Variants in ARHGAP31 observed in about 807,000 individuals in gnomAD.
The protein encoded by ARHGAP31 is rho GTPase-activating protein 31.
A neutral mutation model predicts 113.9 loss-of-function variants in ARHGAP31; 34 were observed. The ratio of observed to expected loss-of-function variants is 0.30; its 90% CI spans 0.23 to 0.40. ARHGAP31 has a LOEUF of 0.40. Ranked by LOEUF, ARHGAP31 falls within the 10% of genes least tolerant of loss-of-function variation. The probability of loss-of-function intolerance (pLI) is 1.00; values close to 1 mark genes in which losing one functional copy is unlikely to be tolerated. For missense variants in ARHGAP31, 1,548 were observed against 1,767.1 expected, an observed-to-expected ratio of 0.88 and a Z score of 2.22; for synonymous variants, 650 against 684.8, an observed-to-expected ratio of 0.95 and a Z score of 0.79.
chr3:119,311,481 T>G (rs923859633), intron 1 of ARHGAP31, among the ~76,000 whole-genome samples: 1 of 152,222 alleles, frequency 6.6e-6, no homozygotes, highest in Non-Finnish European at 1.5e-5. Context: ...ATCTTTAATT[T>G]GATAACATCT....
intron 4 of ARHGAP31, among the ~76,000 whole-genome samples, chr3:119,381,411 AC>A (rs559405494): frequency 4.3e-4 from 66 of 152,144 alleles, no homozygotes; most frequent in African/African-American, 1.5e-3. Context: ...ATCATCCCCC[AC>A]CCTTTCATTT....
At chr3:119,303,832 TC>T (rs1394836462) in intron 1 of ARHGAP31, among the ~76,000 whole-genome samples, 4 of 151,992 alleles carry the variant, frequency 2.6e-5, no homozygotes, top group African/African-American at 9.7e-5. Flanking sequence ...TCTCGCAGTG[TC>T]GCCCGGGCTG....
chr3:119,381,792 A>G (rs138543665), intron 4 of ARHGAP31, among the ~76,000 whole-genome samples: 1 of 152,002 alleles, frequency 6.6e-6, no homozygotes. Context: ...CGAGACCATC[A>G]TGGCTAACAC....
chr3:119,337,143 C>G (rs145721515), intron 1 of ARHGAP31, among the ~76,000 whole-genome samples: 1 of 152,302 alleles, frequency 6.6e-6, no homozygotes, highest in African/African-American at 2.4e-5. Flanking sequence ...TTGCTCACTT[C>G]AAGAATGAAG....
At position 119,416,273 on chromosome 3, in the gene ARHGAP31, C is replaced by CA. The variant is rs2080777205; in HGVS notation, c.*10dup. On this transcript the variant is annotated 3_prime_UTR_variant, in exon 12 of 12. Coordinates refer to ENST00000264245, the MANE Select transcript of ARHGAP31 (RefSeq NM_020754.4). ...GGAGGCAAATAGAATGATTTCGGTT[C>CA]ACCTGCTGGTGTCTGAAAAAAACCG... is the stretch of plus-strand genomic sequence containing the variant. The CA allele has an allele frequency of 6.2e-7, 1 of 1,612,952 alleles. No individual in the cohort carries two copies.
intron 11 of ARHGAP31, 136 bp from the exon 12 acceptor site, chr3:119,413,720 A>C: frequency 8.7e-7 from 1 of 1,155,314 alleles, no homozygotes; most frequent in Non-Finnish European, 1.3e-6. Context: ...AGCCACAGGT[A>C]TTATCGGTGC....
intron 2 of ARHGAP31, among the ~76,000 whole-genome samples, 154 bp downstream of exon 2, chr3:119,365,572 CTG>C (rs1393357359): frequency 6.6e-6 from 1 of 152,190 alleles, no homozygotes; most frequent in Non-Finnish European, 1.5e-5. Context: ...AGATGCCTGA[CTG>C]TTCTTAATCT....
chr3:119,337,706 G>T (rs1269714304), intron 1 of ARHGAP31, among the ~76,000 whole-genome samples: 1 of 152,206 alleles, frequency 6.6e-6, no homozygotes, highest in South Asian at 2.1e-4. Context: ...CCTTTAGCTA[G>T]ACACAGAGCA....
At position 119,415,468 on chromosome 3, in the gene ARHGAP31, C is replaced by T. The variant is rs1490559502; in HGVS notation, c.3539C>T (p.Pro1180Leu). The change falls in exon 12 of 12, where the codon CCT becomes CTT. Residue 1180 changes from proline (P) to leucine (L), a missense_variant. Physicochemically the swap from Pro to Leu is moderately conservative, Grantham distance 98. Coordinates refer to ENST00000264245, the MANE Select transcript of ARHGAP31 (RefSeq NM_020754.4). ...CTGACAGGCCGCCGTAACTCAGCTC[C>T]TGTGAGTGTGTCAGCTGTGAGAACC... The part of the protein sequence containing the change: ...HALTGRRNSA[P>L]VSVSAVRTSF... 1 of 1,614,116 alleles carries T rather than the reference C, an allele frequency of 6.2e-7. No homozygotes were observed. The highest frequency in any genetic ancestry group is 8.5e-7 in the Non-Finnish European group (1 of 1,180,048).
intron 10 of ARHGAP31, among the ~76,000 whole-genome samples, chr3:119,404,780 C>G (rs2080645751): frequency 6.6e-6 from 1 of 152,296 alleles, no homozygotes; most frequent in South Asian, 2.1e-4. Flanking sequence ...ATTGTAAATA[C>G]TGATTACTCT....
rs75919081 is a variant in ARHGAP31 at position 119,391,670 on chromosome 3, G to C, written c.881+687G>C. On this transcript the variant is annotated intron_variant, in intron 7 of 11. Transcript: ENST00000264245. ...GAACAGGAGTCCTAAATTCTAAGCA[G>C]ATTGTAGGTGGAGGGGCTGAAAGGC... 4.3e-4 allele frequency among the ~76,000 whole-genome samples: 56 copies of C among 131,486 alleles called. 1 individual carries two copies. The East Asian group carries it at 0.013, about 32-fold the overall frequency. The allele number at this position is 131,486 out of a possible 152,430, so 86.3% of individuals were successfully genotyped here. A position where few individuals can be genotyped will look rare whatever the true frequency, so the allele number is the denominator to read the frequency against.
At chr3:119,336,700 C>T (rs9289128) in intron 1 of ARHGAP31, among the ~76,000 whole-genome samples, 22,274 of 151,864 alleles carry the variant, frequency 0.15, 2,790 homozygotes, top group African/African-American at 0.34. Flanking sequence ...GTATACAAGT[C>T]AATAGTTTTA....
intron 1 of ARHGAP31, among the ~76,000 whole-genome samples, chr3:119,348,401 A>G (rs2080080970): frequency 6.6e-6 from 1 of 152,182 alleles, no homozygotes; most frequent in Non-Finnish European, 1.5e-5. Flanking sequence ...GTCTGGGACC[A>G]CTGCTGTATA....
chr3:119,415,701 T>TCAAAGGAAGAAAAAC lies in ARHGAP31; in HGVS notation c.3778_3792dup (p.Glu1260_Lys1264dup), dbSNP rs2080769748. The TCAAAGGAAGAAAAAC allele has an allele frequency of 6.2e-7, 1 of 1,613,890 alleles. No individual in the cohort carries two copies. The highest frequency in any genetic ancestry group is 2.2e-5 in the East Asian group (1 of 44,854). On this transcript the variant is annotated inframe_insertion, in exon 12 of 12. Transcript: ENST00000264245. ...TGATTCTCCCTCCTCCCTGGAAAGC[T>TCAAAGGAAGAAAAAC]CAAAGGAAGAAAAACCAAAGCAAGA...
Position 119,317,000 on chromosome 3 carries a change from A to C in ARHGAP31, c.100+21996A>C, listed in dbSNP as rs181020393. ...ATACCTGCTTTCTGCAATCAGGTTT[A>C]CTCCAGAAGCTTTCCTCTGGGCAGT... On this transcript the variant is annotated intron_variant, in intron 1 of 11. Coordinates refer to ENST00000264245, the MANE Select transcript of ARHGAP31 (RefSeq NM_020754.4). Among the ~76,000 whole-genome samples the C allele has an allele frequency of 1.2e-3, 189 of 152,202 alleles. 1 individual carries two copies. The highest frequency in any genetic ancestry group is 4.2e-3 in the African/African-American group (175 of 41,518).
intron 9 of ARHGAP31, among the ~76,000 whole-genome samples, chr3:119,401,148 G>A (rs111401724): frequency 6.7e-6 from 1 of 148,196 alleles, no homozygotes. Flanking sequence ...TCCAGCCTGG[G>A]CGACAGAGCT....
intron 3 of ARHGAP31, among the ~76,000 whole-genome samples, chr3:119,374,938 A>G (rs2080334467): frequency 6.6e-6 from 1 of 152,212 alleles, no homozygotes; most frequent in Admixed American, 6.5e-5. Flanking sequence ...AAAAAGCAGT[A>G]TCTGTAACTA....
chr3:119,312,029 T>G (rs2079687566), intron 1 of ARHGAP31, among the ~76,000 whole-genome samples: 1 of 152,244 alleles, frequency 6.6e-6, no homozygotes, highest in African/African-American at 2.4e-5. Flanking sequence ...CTGCCTGAAC[T>G]CTCTGTTTAC....
At chr3:119,375,235 G>A (rs1179753942) in intron 3 of ARHGAP31, among the ~76,000 whole-genome samples, 2 of 152,076 alleles carry the variant, frequency 1.3e-5, no homozygotes, top group African/African-American at 4.8e-5. Flanking sequence ...GTCTGAAATC[G>A]GCTTCACTGG....
Sources: allele counts gnomAD v4.1 joint callset (sites outside exome capture counted in the v4.1 genomes callset), GRCh38; gene constraint gnomAD v4.1.1; transcripts MANE v1.5; gene names NCBI Gene and HGNC (gene_info 2026-07-23, HGNC 2026-07-21).